The following TLN2 variants were observed in gnomAD, a reference collection of about 807,000 sequenced individuals.
The protein encoded by TLN2 is talin 2.
TLN2 carries 118 observed loss-of-function variants against 294.7 expected under a neutral mutation model. The ratio of observed to expected loss-of-function variants is 0.40; its 90% CI spans 0.34 to 0.47. The LOEUF (loss-of-function observed/expected upper bound fraction) is 0.47, where lower values mean the gene tolerates loss of function less well. TLN2 is among the 20% of genes least tolerant of loss of function. TLN2 has a pLI of 0.84. For missense variants in TLN2, 3,083 were observed against 3,282.2 expected (o/e 0.94, Z 1.48); for synonymous variants, 1,431 against 1,304.5 (o/e 1.10, Z -2.09).
chr15:62,708,288 A>G (rs1441759786), intron 20 of TLN2, among the ~76,000 whole-genome samples: 4 of 152,226 alleles, frequency 2.6e-5, no homozygotes, highest in Non-Finnish European at 5.9e-5. Context: ...GGACATGTCA[A>G]ATCACAAGGA....
intron 48 of TLN2, among the ~76,000 whole-genome samples, chr15:62,798,121 C>T: frequency 6.6e-6 from 1 of 152,082 alleles, no homozygotes; most frequent in East Asian, 1.9e-4. Context: ...CATCGAGTGC[C>T]ATCGAGGACA....
At chr15:62,448,550 C>T (rs1194596387) in intron 1 of TLN2, among the ~76,000 whole-genome samples, 1 of 152,052 alleles carries the variant, frequency 6.6e-6, no homozygotes, top group East Asian at 1.9e-4. Context: ...CAGAGAGATA[C>T]CGGGTTTATT....
At chr15:62,780,071 T>G (rs565336502) in intron 43 of TLN2, among the ~76,000 whole-genome samples, 1 of 152,340 alleles carries the variant, frequency 6.6e-6, no homozygotes, top group South Asian at 2.1e-4. Context: ...CAGATCCCAC[T>G]GTTGTCGTCA....
Position 62,835,911 on chromosome 15 carries a change from G to T in TLN2, c.7212G>T (p.Ala2404=). Residue 2404 remains alanine (A), a synonymous_variant, in exon 57 of 59, where the codon GCG becomes GCT. Coordinates refer to ENST00000636159, the MANE Select transcript of TLN2 (RefSeq NM_015059.3). ...LISAARMVAA[A]TSSLCEAANA... ...CCCAGGCCCGGATGGTGGCGGCTGC[G>T]ACCAGCAGTCTCTGTGAGGCGGCCA... 1 of 1,614,156 alleles carries T rather than the reference G, an allele frequency of 6.2e-7. No homozygotes were observed.
At chr15:62,825,755 A>AT (rs1167236788) in intron 54 of TLN2, among the ~76,000 whole-genome samples, 10 of 103,162 alleles carry the variant, frequency 9.7e-5, no homozygotes, top group African/African-American at 3.3e-4. Flanking sequence ...TATTAAATAT[A>AT]ATTATAATTA....
intron 3 of TLN2, chr15:62,637,133 T>C (rs1314476861): frequency 6.6e-6 from 1 of 152,198 alleles, no homozygotes; most frequent in Non-Finnish European, 1.5e-5. Context: ...TGGGATGAGT[T>C]ATTCCCTGAT....
At chr15:62,392,952 G>A (rs952350056) in intron 1 of TLN2, among the ~76,000 whole-genome samples, 5 of 152,038 alleles carry the variant, frequency 3.3e-5, no homozygotes, top group African/African-American at 1.2e-4. Flanking sequence ...ATGGCGGTGG[G>A]TGTGACAAGT....
intron 1 of TLN2, among the ~76,000 whole-genome samples, chr15:62,491,365 C>T (rs1293792317): frequency 8.1e-6 from 1 of 123,382 alleles, no homozygotes. Flanking sequence ...CACACACACA[C>T]ACACACACAC....
intron 1 of TLN2, among the ~76,000 whole-genome samples, chr15:62,548,180 G>T (rs1390634016): frequency 6.6e-6 from 1 of 152,202 alleles, no homozygotes; most frequent in Non-Finnish European, 1.5e-5. Context: ...ACTCCAGCCT[G>T]AGTCTGGAAG....
chr15:62,669,546 T>C (rs1039301708), intron 9 of TLN2, among the ~76,000 whole-genome samples: 4 of 152,352 alleles, frequency 2.6e-5, no homozygotes, highest in African/African-American at 9.6e-5. Context: ...TGTAGATGGC[T>C]GCCCTTTTAA....
intron 28 of TLN2, among the ~76,000 whole-genome samples, chr15:62,730,029 CTTTTTTT>C (rs11368681): frequency 3.3e-5 from 4 of 121,174 alleles, no homozygotes; most frequent in Non-Finnish European, 4.8e-5. Flanking sequence ...TTATTGTTGT[CTTTTTTT>C]TTTTTTTTTT....
intron 1 of TLN2, among the ~76,000 whole-genome samples, chr15:62,583,377 C>G (rs1240641854): frequency 3.3e-5 from 5 of 152,170 alleles, no homozygotes; most frequent in African/African-American, 1.2e-4. Flanking sequence ...GTTAATTAGA[C>G]TTCTATTGAA....
intron 17 of TLN2, 103 bp from the exon 18 acceptor site, chr15:62,701,889 C>T: frequency 7.5e-7 from 1 of 1,325,202 alleles, no homozygotes; most frequent in Non-Finnish European, 1.0e-6. Context: ...TGTCTGACTC[C>T]TGCAGGATGG....
chr15:62,708,134 T>C (rs1296377353), intron 20 of TLN2, among the ~76,000 whole-genome samples: 1 of 152,110 alleles, frequency 6.6e-6, no homozygotes, highest in East Asian at 1.9e-4. Context: ...TTTTAGGTAG[T>C]CTTTGTATCC....
Position 62,457,349 on chromosome 15 carries a change from G to A in TLN2, c.-238+66664G>A, listed in dbSNP as rs988440645. 1.1e-4 allele frequency among the ~76,000 whole-genome samples: 16 copies of A among 152,306 alleles called. No homozygotes were observed. The South Asian group carries it at 1.7e-3, about 16-fold the overall frequency. ...ACCTCATCATGAAGGCTCCACTGTC[G>A]TGACCTCATCTAAACCTAATTATCT... is the stretch of plus-strand genomic sequence containing the variant. On this transcript the variant is annotated intron_variant, in intron 1 of 58. Transcript: ENST00000636159.
rs57327481 is a variant in TLN2 at position 62,531,741 on chromosome 15, C to T, written c.-237-57946C>T. 2.4e-3 allele frequency among the ~76,000 whole-genome samples: 365 copies of T among 152,252 alleles called. 2 individuals carry two copies. The highest frequency in any genetic ancestry group is 8.3e-3 in the African/African-American group (344 of 41,556). The stretch of plus-strand genomic sequence containing the variant: ...AAGGTATCCATCTTGTCTTATGTGG[C>T]TTCTAGTTTTTGTATTATACGTGGG... On this transcript the variant is annotated intron_variant, in intron 1 of 58. Coordinates refer to ENST00000636159, the MANE Select transcript of TLN2 (RefSeq NM_015059.3).
At chr15:62,550,657 C>A (rs2042242576) in intron 1 of TLN2, among the ~76,000 whole-genome samples, 2 of 152,088 alleles carry the variant, frequency 1.3e-5, no homozygotes, top group Non-Finnish European at 2.9e-5. Context: ...TTAAATTGGG[C>A]CTCTTTTCAT....
intron 43 of TLN2, among the ~76,000 whole-genome samples, chr15:62,779,232 CG>C (rs1567588019): frequency 6.6e-6 from 1 of 152,126 alleles, no homozygotes; most frequent in Non-Finnish European, 1.5e-5. Flanking sequence ...ATCAGCTTTC[CG>C]GGTGACCTTG....
Position 62,765,546 on chromosome 15 carries a change from C to A in TLN2, c.5095-775C>A, listed in dbSNP as rs555997098. On this transcript the variant is annotated intron_variant, in intron 40 of 58. Transcript: ENST00000636159. ...ACGTAAAACGCCCAGTGCACTGATG[C>A]ATTAATCCTGTATCTATCAGTGAAG... 1.1e-4 allele frequency among the ~76,000 whole-genome samples: 16 copies of A among 152,216 alleles called. No individual in the cohort carries two copies. The South Asian group carries it at 3.1e-3, about 30-fold the overall frequency.
Sources: gnomAD v4.1 joint callset for allele counts (sites outside exome capture counted in the v4.1 genomes callset) on GRCh38, gnomAD v4.1.1 for gene constraint, MANE v1.5 for transcripts, NCBI Gene and HGNC (gene_info 2026-07-23, HGNC 2026-07-21) for gene names.